The following ADAMTS20 variants were observed in gnomAD, a reference collection of about 807,000 sequenced individuals.
ADAMTS20 encodes the protein A disintegrin and metalloproteinase with thrombospondin motifs 20.
A neutral mutation model predicts 260.1 loss-of-function variants in ADAMTS20; 225 were observed. The observed-to-expected ratio is 0.87, with a 90% CI of 0.78 to 0.97. The LOEUF is 0.97. ADAMTS20 is among the 50% of genes least tolerant of loss of function. The pLI is 0.00. For missense variants in ADAMTS20, 2,400 were observed against 2,337.7 expected (o/e 1.03, Z -0.55); for synonymous variants, 802 against 769.5 (o/e 1.04, Z -0.70).
chr12:43,498,458 AT>A (rs1450138054), intron 4 of ADAMTS20, among the ~76,000 whole-genome samples: 3 of 152,086 alleles, frequency 2.0e-5, no homozygotes, highest in Admixed American at 1.3e-4. Flanking sequence ...GACAAAAATT[AT>A]TTTTTCATCA....
chr12:43,419,499 A>G (rs1040268469), intron 28 of ADAMTS20, among the ~76,000 whole-genome samples: 1 of 152,198 alleles, frequency 6.6e-6, no homozygotes, highest in African/African-American at 2.4e-5. Context: ...AACAGCCTCA[A>G]TATACAGCAC....
At chr12:43,360,975 A>G (rs1304883101) in intron 37 of ADAMTS20, among the ~76,000 whole-genome samples, 1 of 152,202 alleles carries the variant, frequency 6.6e-6, no homozygotes, top group African/African-American at 2.4e-5. Flanking sequence ...ATAGATCCAC[A>G]TTACTTTTGT....
At chr12:43,465,279 A>G (rs1465044509) in intron 9 of ADAMTS20, among the ~76,000 whole-genome samples, 1 of 152,072 alleles carries the variant, frequency 6.6e-6, no homozygotes, top group African/African-American at 2.4e-5. Context: ...GGGAGCTTAC[A>G]TTTTGGTTCC....
chr12:43,432,882 G>A lies in ADAMTS20; in HGVS notation c.2721-71C>T, dbSNP rs1016547574. Reference sequence around the variant, plus strand: ...TAAAAACAGATTCAGAGACACTCATGCATTCAGTTTTTAAAATCCTAAAAG... The same window carrying A: ...TAAAAACAGATTCAGAGACACTCATACATTCAGTTTTTAAAATCCTAAAAG... On this transcript the variant is annotated intron_variant, in intron 19 of 38. Coordinates refer to ENST00000389420, the MANE Select transcript of ADAMTS20 (RefSeq NM_025003.5). The A allele has an allele frequency of 6.9e-6, 9 of 1,303,412 alleles. No homozygotes were observed. In the African/African-American group the frequency reaches 1.2e-4, roughly 17 times the overall value. 80.7% of individuals were successfully genotyped at this position (1,303,412 alleles called of 1,614,324 possible).
chr12:43,454,677 A>C (rs772096908), intron 11 of ADAMTS20, among the ~76,000 whole-genome samples: 5 of 152,134 alleles, frequency 3.3e-5, no homozygotes, highest in Non-Finnish European at 5.9e-5. Flanking sequence ...TACACCAAAC[A>C]TCACTCCAGC....
chr12:43,430,320 TC>T (rs753787049), intron 23 of ADAMTS20, 31 bp downstream of exon 23: 1 of 1,592,522 alleles, frequency 6.3e-7, no homozygotes, highest in East Asian at 2.2e-5. Context: ...GTCTCATAAA[TC>T]TTTTTGTTTG....
chr12:43,432,638 C>G lies in ADAMTS20; in HGVS notation c.2894G>C (p.Cys965Ser), dbSNP rs201028956. 2.9e-5 allele frequency: 47 copies of G among 1,613,816 alleles called. No homozygotes were observed. Among genetic ancestry groups the G allele is most frequent in the Non-Finnish European group, 3.7e-5 (44 of 1,179,872 alleles). Residue 965 changes from cysteine to serine, a missense_variant, in exon 20 of 39, where the codon TGT becomes TCT. Coordinates refer to ENST00000389420, the MANE Select transcript of ADAMTS20 (RefSeq NM_025003.5). ...PPTQELCHGN[C>S]VFTRWHYSEW... ...TGAATAATGCCATCTTGTGAAGACACAGTTACCATGGCATAGTTCTTGGGT... is the reference window on the plus strand; with the variant it reads ...TGAATAATGCCATCTTGTGAAGACAGAGTTACCATGGCATAGTTCTTGGGT...
At chr12:43,418,915 A>T (rs1941180230) in intron 28 of ADAMTS20, among the ~76,000 whole-genome samples, 1 of 152,200 alleles carries the variant, frequency 6.6e-6, no homozygotes, top group Admixed American at 6.5e-5. Context: ...TTCAGTGACA[A>T]ACCTTGTTAT....
chr12:43,395,728 G>C (rs1252740631), intron 29 of ADAMTS20, among the ~76,000 whole-genome samples: 1 of 119,660 alleles, frequency 8.4e-6, no homozygotes, highest in Admixed American at 1.0e-4. Context: ...TTTACTATAT[G>C]AGACTGGAGA....
chr12:43,446,548 T>A lies in ADAMTS20; in HGVS notation c.2197+47A>T, dbSNP rs575309257. On this transcript the variant is annotated intron_variant, in intron 15 of 38. Coordinates refer to ENST00000389420, the MANE Select transcript of ADAMTS20 (RefSeq NM_025003.5). The stretch of plus-strand genomic sequence containing the variant: ...GTTACACCTTCTTTACAGACTCCAT[T>A]ATTATACTAAATAAAAGCGAAATCT... 8.8e-5 allele frequency: 124 copies of A among 1,408,586 alleles called. No individual in the cohort carries two copies. In the East Asian group the frequency reaches 2.6e-3, roughly 29 times the overall value. The allele number at this position is 1,408,586 out of a possible 1,614,324, so 87.3% of individuals were successfully genotyped here. A position where few individuals can be genotyped will look rare whatever the true frequency, so the allele number is the denominator to read the frequency against.
rs139992820 is a variant in ADAMTS20, at chr12:43,372,656, T to G, written c.5446+2723A>C. Among the ~76,000 whole-genome samples the G allele has an allele frequency of 1.4e-3, 214 of 152,238 alleles. 5 individuals are homozygous for G. The highest frequency in any genetic ancestry group is 4.9e-3 in the African/African-American group (202 of 41,544). ...AATTTAAATGATTCAGCAGCAGAAT[T>G]GAGGATGTGAGAGAGATTAGGAAAT... On this transcript the variant is annotated intron_variant, in intron 36 of 38. Coordinates refer to ENST00000389420, the MANE Select transcript of ADAMTS20 (RefSeq NM_025003.5).
chr12:43,544,204 A>C (rs1288798565), intron 2 of ADAMTS20, among the ~76,000 whole-genome samples: 1 of 152,270 alleles, frequency 6.6e-6, no homozygotes, highest in Non-Finnish European at 1.5e-5. Flanking sequence ...AATAGAACAC[A>C]ATTAACTTAG....
At chr12:43,374,223 A>G in intron 36 of ADAMTS20, among the ~76,000 whole-genome samples, 1 of 152,098 alleles carries the variant, frequency 6.6e-6, no homozygotes, top group Non-Finnish European at 1.5e-5. Flanking sequence ...TGTTCAGTAA[A>G]TGATAGCCAT....
intron 3 of ADAMTS20, among the ~76,000 whole-genome samples, chr12:43,503,209 C>A (rs1430467818): frequency 6.6e-6 from 1 of 152,088 alleles, no homozygotes; most frequent in Non-Finnish European, 1.5e-5. Context: ...TTGTTCCTCT[C>A]CTTTCCTCTT....
At chr12:43,418,473 C>G (rs1281100855) in intron 28 of ADAMTS20, among the ~76,000 whole-genome samples, 1 of 152,128 alleles carries the variant, frequency 6.6e-6, no homozygotes, top group African/African-American at 2.4e-5. Flanking sequence ...CCACGCCCAG[C>G]TAATTTTTGT....
intron 24 of ADAMTS20, among the ~76,000 whole-genome samples, chr12:43,429,206 A>G (rs1299386704): frequency 6.6e-6 from 1 of 152,168 alleles, no homozygotes; most frequent in Non-Finnish European, 1.5e-5. Context: ...AGAATATATG[A>G]AGCTTAAAAA....
At chr12:43,452,130 A>C in intron 14 of ADAMTS20, 144 bp downstream of exon 14, 1 of 798,040 alleles carries the variant, frequency 1.3e-6, no homozygotes, top group South Asian at 2.1e-5. Flanking sequence ...ACTTCTATAG[A>C]TAGCATGATA....
Position 43,425,097 on chromosome 12 carries a change from G to A in ADAMTS20, c.4284+417C>T, listed in dbSNP as rs943690540. Among the ~76,000 whole-genome samples, 13 of 152,128 alleles carry A rather than the reference G, an allele frequency of 8.5e-5. 1 individual carries two copies. The highest frequency in any genetic ancestry group is 2.0e-4 in the Admixed American group (3 of 15,276). On this transcript the variant is annotated intron_variant, in intron 28 of 38. Coordinates refer to ENST00000389420, the MANE Select transcript of ADAMTS20 (RefSeq NM_025003.5). The stretch of plus-strand genomic sequence containing the variant: ...CAGCCGTAATAAGGAATGATATCAC[G>A]TCCTTTGCGGGGACATGGATAGAAT...
At chr12:43,394,199 A>AAATAAAAT in intron 29 of ADAMTS20, among the ~76,000 whole-genome samples, 1 of 152,234 alleles carries the variant, frequency 6.6e-6, no homozygotes, top group East Asian at 1.9e-4. Context: ...TTGTTATACG[A>AAATAAAAT]AAAATAAAAG....
Sources: gnomAD v4.1 joint callset for allele counts (sites outside exome capture counted in the v4.1 genomes callset) on GRCh38, gnomAD v4.1.1 for gene constraint, MANE v1.5 for transcripts, NCBI Gene and HGNC (gene_info 2026-07-23, HGNC 2026-07-21) for gene names.